Variants in SCART1 observed in about 807,000 individuals in gnomAD.
SCART1 encodes scavenger receptor family member expressed on T cells 1, also known as scavenger receptor cysteine-rich domain-containing protein SCART1.
In SCART1, 62 loss-of-function variants were observed where a neutral mutation model predicts 36.2. The observed-to-expected ratio is 1.71, with a 90% CI of 1.40 to 2.12. The LOEUF is 2.12. Among genes scored for constraint, SCART1 ranks in the 30% most tolerant of loss-of-function variants. The pLI is 0.00. For synonymous variants in SCART1, 487 were observed against 238.7 expected (o/e 2.04, Z -9.59); for missense variants, 1,041 against 540.5 (o/e 1.93, Z -9.18).
intron 2 of SCART1, 184 bp from the exon 3 acceptor site, chr10:133,457,095 G>A: frequency 1.7e-6 from 1 of 587,498 alleles, no homozygotes. Flanking sequence ...GAGACCAGCA[G>A]CAGAGCATGA....
exon 5 of SCART1, chr10:133,459,122 G>A (rs1850661400): frequency 2.8e-6 from 2 of 702,904 alleles, no homozygotes; most frequent in Non-Finnish European, 5.2e-6. Context: ...GGACATAGCA[G>A]ATGCCACCGT....
chr10:133,455,203 A>G (rs1850594051), intron 1 of SCART1, among the ~76,000 whole-genome samples: 1 of 152,162 alleles, frequency 6.6e-6, no homozygotes, highest in Admixed American at 6.5e-5. Context: ...GGAGGTGGAC[A>G]TTGCAGTGAG....
chr10:133,464,589 CT>C lies in SCART1; in HGVS notation c.1970-16del. The C allele has an allele frequency of 1.6e-6, 1 of 635,770 alleles. No individual in the cohort carries two copies. Among genetic ancestry groups the C allele is most frequent in the South Asian group, 1.8e-5 (1 of 56,174 alleles). The allele number at this position is 635,770 out of a possible 1,614,324, so 39.4% of individuals were successfully genotyped here. A position where few individuals can be genotyped will look rare whatever the true frequency, so the allele number is the denominator to read the frequency against. The stretch of plus-strand genomic sequence containing the variant: ...CCAGGCAGGGCACTCCCTGGCCTGA[CT>C]GTGCTTGCCTTGCAGAGTCGGTGGC... On this transcript the variant is annotated splice_polypyrimidine_tract_variant and intron_variant, in intron 6 of 11. Coordinates refer to ENST00000640237, the Ensembl canonical transcript of SCART1.
At chr10:133,460,605 C>G (rs549191688) in intron 6 of SCART1, among the ~76,000 whole-genome samples, 7 of 150,428 alleles carry the variant, frequency 4.7e-5, no homozygotes, top group African/African-American at 1.7e-4. Context: ...GCCCCATCAC[C>G]GGTCACCGCA....
At chr10:133,454,926 C>G (rs766000165) in intron 1 of SCART1, among the ~76,000 whole-genome samples, 2 of 151,946 alleles carry the variant, frequency 1.3e-5, no homozygotes, top group Non-Finnish European at 2.9e-5. Context: ...GCACAAGGGC[C>G]GGAATTCTCT....
chr10:133,457,272 T>G lies in SCART1; in HGVS notation c.386-7T>G. 1 of 700,598 alleles carries G rather than the reference T, an allele frequency of 1.4e-6. No homozygotes were observed. The highest frequency in any genetic ancestry group is 1.5e-5 in the South Asian group (1 of 67,444). 43.4% of individuals were successfully genotyped at this position (700,598 alleles called of 1,614,324 possible). The stretch of plus-strand genomic sequence containing the variant: ...TACCTTAAGGAGGACCGGCCTGTGC[T>G]CCACAGACGGCACTTTCCGGGAGCT... On this transcript the variant is annotated splice_polypyrimidine_tract_variant and splice_region_variant and intron_variant, in intron 2 of 11. Coordinates refer to ENST00000640237, the Ensembl canonical transcript of SCART1.
chr10:133,467,969 A>G (rs777956225), exon 12 of SCART1: 1 of 690,500 alleles, frequency 1.4e-6, no homozygotes, highest in South Asian at 1.5e-5. Context: ...GACGTTGTAA[A>G]GCAACCTGAG....
rs183067037 is a variant in SCART1 at position 133,463,589 on chromosome 10, A to G, written c.1970-1017A>G. Among the ~76,000 whole-genome samples, 6 of 150,872 alleles carry G rather than the reference A, an allele frequency of 4.0e-5. No homozygotes were observed. In the East Asian group the frequency reaches 1.2e-3, roughly 29 times the overall value. ...TTCCTGGTTTATTTCATTTAACATA[A>G]TGTCCTCCAGGTTCATCCATGTTGT... On this transcript the variant is annotated intron_variant, in intron 6 of 11. Coordinates refer to ENST00000640237, the Ensembl canonical transcript of SCART1.
chr10:133,460,496 A>ATATATATATATTTTTT lies in SCART1; in HGVS notation c.1969+327_1969+328insATATATATATTTTTTT. 3.7e-5 allele frequency among the ~76,000 whole-genome samples: 5 copies of ATATATATATATTTTTT among 136,006 alleles called. No homozygotes were observed. The East Asian group carries it at 6.4e-4, about 17-fold the overall frequency. The allele number at this position is 136,006 out of a possible 152,430, so 89.2% of individuals were successfully genotyped here. On this transcript the variant is annotated intron_variant, in intron 6 of 11. Transcript: ENST00000640237. ...CATATATATATATATATATTTATAT[A>ATATATATATATTTTTT]TTTTAAAAAATATTTTATATTTATT...
intron 6 of SCART1, among the ~76,000 whole-genome samples, chr10:133,463,774 G>A (rs1037644255): frequency 1.3e-5 from 2 of 152,070 alleles, no homozygotes; most frequent in Non-Finnish European, 2.9e-5. Context: ...GATAAGATCA[G>A]GGTAATTGGC....
At chr10:133,465,132 G>T (rs1287614261) in exon 8 of SCART1, 5 of 702,938 alleles carry the variant, frequency 7.1e-6, no homozygotes, top group South Asian at 4.4e-5. Flanking sequence ...GCCACAGGCT[G>T]CTGGGGAGCC....
At chr10:133,454,783 G>A (rs1478532981) in intron 1 of SCART1, among the ~76,000 whole-genome samples, 3 of 152,116 alleles carry the variant, frequency 2.0e-5, no homozygotes, top group Non-Finnish European at 2.9e-5. Flanking sequence ...CATCCCCAGC[G>A]GTGGGGTGGA....
In SCART1 at chr10:133,462,689, T is replaced by C. The variant is rs1850716037; in HGVS notation, c.1970-1917T>C. ...TCCCTTAGTGCCTTCAGTCACTTGA[T>C]GGTTAGGTGGAGCCTTGCTTCGGGG... On this transcript the variant is annotated intron_variant, in intron 6 of 11. Transcript: ENST00000640237. Among the ~76,000 whole-genome samples the C allele has an allele frequency of 3.9e-5, 6 of 152,248 alleles. 2 individuals are homozygous for C. The South Asian group carries it at 1.2e-3, about 32-fold the overall frequency.
chr10:133,456,646 G>A (rs1036568778), intron 2 of SCART1, 92 bp downstream of exon 2: 12 of 596,826 alleles, frequency 2.0e-5, no homozygotes, highest in African/African-American at 7.4e-5. Flanking sequence ...GGAGGACTGG[G>A]AGGATGGCGG....
At chr10:133,464,611 G>T (rs2133557735) in exon 7 of SCART1, 1 of 649,602 alleles carries the variant, frequency 1.5e-6, no homozygotes, top group East Asian at 2.7e-5. Flanking sequence ...TGCAGAGTCG[G>T]TGGCTCTGAG....
At chr10:133,454,907 C>T (rs894633544) in intron 1 of SCART1, among the ~76,000 whole-genome samples, 19 of 152,220 alleles carry the variant, frequency 1.2e-4, no homozygotes, top group Admixed American at 2.0e-4. Flanking sequence ...TTTGTGTCAA[C>T]GATCGCATGC....
chr10:133,462,464 G>T (rs1850713424), intron 6 of SCART1, among the ~76,000 whole-genome samples: 1 of 152,184 alleles, frequency 6.6e-6, no homozygotes. Flanking sequence ...ATTAAAATTT[G>T]AGTCCAAAAA....
intron 10 of SCART1, chr10:133,466,855 G>A: frequency 4.3e-6 from 1 of 234,308 alleles, no homozygotes; most frequent in Non-Finnish European, 8.2e-6. Context: ...GCTTCAGCCT[G>A]CAGGCTGATC....
intron 1 of SCART1, among the ~76,000 whole-genome samples, chr10:133,454,906 A>G (rs536050149): frequency 6.6e-6 from 1 of 152,284 alleles, no homozygotes; most frequent in South Asian, 2.1e-4. Flanking sequence ...TTTTGTGTCA[A>G]CGATCGCATG....
Sources: gnomAD v4.1 joint callset for allele counts (sites outside exome capture counted in the v4.1 genomes callset) on GRCh38, gnomAD v4.1.1 for gene constraint, MANE v1.5 for transcripts, NCBI Gene and HGNC (gene_info 2026-07-23, HGNC 2026-07-21) for gene names.